The following SOX5 variants were observed in gnomAD, a reference collection of about 807,000 sequenced individuals.
SOX5 encodes SRY-box transcription factor 5.
Under a neutral mutation model 92.0 loss-of-function variants are expected in SOX5, and 9 were observed. The observed-to-expected ratio is 0.10, with a 90% CI of 0.06 to 0.17. The LOEUF (loss-of-function observed/expected upper bound fraction) is 0.17. Ranked by LOEUF, SOX5 falls within the 10% of genes least tolerant of loss-of-function variation. SOX5 has a pLI of 1.00. For synonymous variants in SOX5, 344 were observed against 336.3 expected (o/e 1.02, Z -0.25); for missense variants, 642 against 944.5 (o/e 0.68, Z 4.20).
chr12:24,049,812 T>C (rs992679177), intron 4 of SOX5, among the ~76,000 whole-genome samples: 2 of 152,036 alleles, frequency 1.3e-5, no homozygotes, highest in Non-Finnish European at 2.9e-5. Flanking sequence ...CTGAAGTTGC[T>C]TTCAAATTAA....
At chr12:24,156,482 C>T (rs567584666) in intron 4 of SOX5, among the ~76,000 whole-genome samples, 1 of 152,222 alleles carries the variant, frequency 6.6e-6, no homozygotes, top group Non-Finnish European at 1.5e-5. Context: ...TACTTTTCTC[C>T]TCCTTGACAT....
intron 6 of SOX5, among the ~76,000 whole-genome samples, chr12:23,723,579 TATAC>T (rs925123739): frequency 1.8e-4 from 27 of 147,578 alleles, no homozygotes; most frequent in Middle Eastern, 3.5e-3. Context: ...TATATATATA[TATAC>T]ACACACACAC....
At chr12:23,982,131 C>T (rs191000816) in intron 4 of SOX5, among the ~76,000 whole-genome samples, 1 of 152,090 alleles carries the variant, frequency 6.6e-6, no homozygotes, top group Non-Finnish European at 1.5e-5. Flanking sequence ...ACCTGAACTC[C>T]GATTCAAAGC....
At chr12:23,820,209 GGCCGCAT>G (rs2096079387) in intron 3 of SOX5, among the ~76,000 whole-genome samples, 1 of 151,880 alleles carries the variant, frequency 6.6e-6, no homozygotes, top group East Asian at 1.9e-4. Flanking sequence ...CATGTTTTTT[GGCCGCAT>G]AAATGTCTTC....
At chr12:23,543,178 C>A in intron 13 of SOX5, 33 bp downstream of exon 13, 1 of 1,577,042 alleles carries the variant, frequency 6.3e-7, no homozygotes, top group Non-Finnish European at 8.7e-7. Context: ...ACCTTTATTC[C>A]ATACGTCACT....
At chr12:24,141,622 A>G (rs1487305911) in intron 4 of SOX5, among the ~76,000 whole-genome samples, 2 of 152,208 alleles carry the variant, frequency 1.3e-5, no homozygotes, top group Non-Finnish European at 2.9e-5. Context: ...CACTGTCCCA[A>G]TGGACGGGTA....
chr12:23,725,504 C>A (rs2093063146), intron 6 of SOX5, among the ~76,000 whole-genome samples: 1 of 152,090 alleles, frequency 6.6e-6, no homozygotes, highest in Non-Finnish European at 1.5e-5. Context: ...CCCACTGGGT[C>A]CCTCCTATGA....
intron 11 of SOX5, among the ~76,000 whole-genome samples, chr12:23,549,368 C>A (rs993866287): frequency 2.6e-5 from 4 of 151,836 alleles, no homozygotes; most frequent in Non-Finnish European, 5.9e-5. Flanking sequence ...TGATATAGAT[C>A]TTATAATCTG....
intron 1 of SOX5, among the ~76,000 whole-genome samples, chr12:24,407,174 G>T (rs1284939647): frequency 2.6e-5 from 4 of 152,166 alleles, no homozygotes; most frequent in Non-Finnish European, 5.9e-5. Flanking sequence ...ATGTGCCCAA[G>T]AAGTATCTAG....
chr12:23,787,714 T>C (rs190785457), intron 3 of SOX5, among the ~76,000 whole-genome samples: 221 of 152,104 alleles, frequency 1.5e-3, no homozygotes, highest in African/African-American at 5.1e-3. Context: ...CCACAGTGAT[T>C]GTTGTCGTCT....
chr12:24,293,962 G>A (rs1006107192), intron 2 of SOX5, among the ~76,000 whole-genome samples: 1 of 152,084 alleles, frequency 6.6e-6, no homozygotes, highest in Non-Finnish European at 1.5e-5. Flanking sequence ...GCAACAGAAC[G>A]GAAACAGCTC....
chr12:23,717,137 C>G (rs1302465045), intron 6 of SOX5, among the ~76,000 whole-genome samples: 1 of 152,198 alleles, frequency 6.6e-6, no homozygotes, highest in African/African-American at 2.4e-5. Context: ...AGGATTCCGA[C>G]AATTGGAGTC....
At chr12:24,192,121 A>G (rs2139418884) in intron 4 of SOX5, among the ~76,000 whole-genome samples, 1 of 152,318 alleles carries the variant, frequency 6.6e-6, no homozygotes, top group East Asian at 1.9e-4. Flanking sequence ...ATTAAGAATC[A>G]TTCCTATTCA....
intron 2 of SOX5, among the ~76,000 whole-genome samples, chr12:23,850,289 C>T (rs908230167): frequency 6.6e-6 from 1 of 151,580 alleles, no homozygotes; most frequent in Non-Finnish European, 1.5e-5. Context: ...ATTAGCTGGG[C>T]GTGGTGGCGC....
At chr12:24,550,276 A>T (rs1953026086) in intron 1 of SOX5, among the ~76,000 whole-genome samples, 3 of 152,228 alleles carry the variant, frequency 2.0e-5, no homozygotes, top group Non-Finnish European at 2.9e-5. Context: ...CCATGATGGT[A>T]TACCAGGGAG....
intron 1 of SOX5, among the ~76,000 whole-genome samples, chr12:24,373,073 G>A (rs1019933950): frequency 5.3e-5 from 8 of 151,200 alleles, no homozygotes; most frequent in East Asian, 3.9e-4. Flanking sequence ...AGCCGAGAAC[G>A]CACCACTGCA....
At position 23,932,858 on chromosome 12, in the gene SOX5, T is replaced by C. The variant is rs1366543365; in HGVS notation, c.38+16706A>G. On this transcript the variant is annotated intron_variant, in intron 1 of 14. Coordinates refer to ENST00000451604, the MANE Select transcript of SOX5 (RefSeq NM_006940.6). ...GTTGTCATAAACAGAAGTTCTAGAA[T>C]AATTATGCCACAGACAAAACCATTA... Among the ~76,000 whole-genome samples the C allele has an allele frequency of 2.0e-5, 3 of 151,642 alleles. No homozygotes were observed. In the East Asian group the frequency reaches 5.8e-4, roughly 29 times the overall value.
intron 1 of SOX5, among the ~76,000 whole-genome samples, chr12:24,541,556 T>C (rs1308710956): frequency 1.3e-5 from 2 of 152,226 alleles, no homozygotes. Flanking sequence ...ATTTGAATTA[T>C]TGATGAAATT....
intron 8 of SOX5, among the ~76,000 whole-genome samples, chr12:23,620,788 C>T (rs560352798): frequency 7.2e-5 from 11 of 152,184 alleles, no homozygotes; most frequent in African/African-American, 1.4e-4. Context: ...CTATTTCTCA[C>T]GTACCAACGA....
Sources: allele counts gnomAD v4.1 joint callset (sites outside exome capture counted in the v4.1 genomes callset), GRCh38; gene constraint gnomAD v4.1.1; transcripts MANE v1.5; gene names NCBI Gene and HGNC (gene_info 2026-07-23, HGNC 2026-07-21).